PLCB4: variants seen among roughly 807,000 people sequenced by gnomAD.
PLCB4 encodes 1-phosphatidylinositol 4,5-bisphosphate phosphodiesterase beta-4.
In PLCB4, 77 loss-of-function variants were observed where a neutral mutation model predicts 178.8. That is an observed-to-expected ratio of 0.43 (90% CI 0.36 to 0.52). PLCB4 has a LOEUF of 0.52. Among genes scored for constraint, PLCB4 ranks in the 20% least tolerant of loss-of-function variants. PLCB4 has a pLI of 0.00. For synonymous variants in PLCB4, 496 were observed against 490.8 expected (o/e 1.01, Z -0.14); for missense variants, 1,024 against 1,453.4 (o/e 0.70, Z 4.80).
At chr20:9,095,888 C>T (rs2090893260) in intron 1 of PLCB4, among the ~76,000 whole-genome samples, 1 of 151,956 alleles carries the variant, frequency 6.6e-6, no homozygotes, top group Non-Finnish European at 1.5e-5. Context: ...CATTTTCCCA[C>T]TGGAAAAGCA....
intron 12 of PLCB4, among the ~76,000 whole-genome samples, chr20:9,375,572 G>A (rs2036600513): frequency 6.6e-6 from 1 of 152,104 alleles, no homozygotes; most frequent in African/African-American, 2.4e-5. Flanking sequence ...CCACATATCA[G>A]ACAGATGCCT....
At chr20:9,188,284 G>A (rs1011551275) in intron 2 of PLCB4, among the ~76,000 whole-genome samples, 1 of 152,198 alleles carries the variant, frequency 6.6e-6, no homozygotes, top group East Asian at 1.9e-4. Context: ...GAAATAATTA[G>A]CCCTATAGGT....
chr20:9,131,167 G>A (rs1300432927), intron 2 of PLCB4, among the ~76,000 whole-genome samples: 3 of 152,040 alleles, frequency 2.0e-5, no homozygotes, highest in East Asian at 1.9e-4. Context: ...TTTCTGTTTA[G>A]CTAGTAATCT....
chr20:9,171,814 G>T (rs1040739763), intron 2 of PLCB4, among the ~76,000 whole-genome samples: 2 of 152,104 alleles, frequency 1.3e-5, no homozygotes, highest in Admixed American at 1.3e-4. Flanking sequence ...GTGGAGAATT[G>T]TGGGAAATAA....
At chr20:9,210,987 T>G (rs2093666599) in intron 2 of PLCB4, among the ~76,000 whole-genome samples, 1 of 152,228 alleles carries the variant, frequency 6.6e-6, no homozygotes, top group Admixed American at 6.5e-5. Flanking sequence ...AAAATATGAC[T>G]GCATTGGTGA....
chr20:9,382,083 C>A (rs924039373), intron 13 of PLCB4, among the ~76,000 whole-genome samples: 1 of 152,208 alleles, frequency 6.6e-6, no homozygotes, highest in African/African-American at 2.4e-5. Context: ...CTTCCTACCC[C>A]TAGATATGTT....
intron 2 of PLCB4, among the ~76,000 whole-genome samples, chr20:9,138,169 G>A (rs2092421109): frequency 1.3e-5 from 2 of 152,070 alleles, no homozygotes; most frequent in Admixed American, 6.6e-5. Flanking sequence ...ATGAAGGAAG[G>A]TGTGCATTTC....
At chr20:9,151,448 T>C (rs1156589907) in intron 2 of PLCB4, among the ~76,000 whole-genome samples, 2 of 152,054 alleles carry the variant, frequency 1.3e-5, no homozygotes. Context: ...GGGAGGTAAT[T>C]AAATCATGGG....
At chr20:9,096,846 G>T (rs987150752) in intron 2 of PLCB4, among the ~76,000 whole-genome samples, 2 of 152,060 alleles carry the variant, frequency 1.3e-5, no homozygotes, top group Non-Finnish European at 2.9e-5. Flanking sequence ...TGGGTGTACG[G>T]TATCTTTTTG....
intron 3 of PLCB4, among the ~76,000 whole-genome samples, chr20:9,256,529 A>G (rs1026492689): frequency 1.3e-5 from 2 of 152,220 alleles, no homozygotes; most frequent in East Asian, 1.9e-4. Context: ...GGAAGCAAGT[A>G]TTTTTAGTTG....
intron 3 of PLCB4, among the ~76,000 whole-genome samples, chr20:9,269,001 A>T (rs148984522): frequency 6.6e-6 from 1 of 152,300 alleles, no homozygotes; most frequent in Non-Finnish European, 1.5e-5. Context: ...GGGTAAGCAT[A>T]TTGAATTTGC....
chr20:9,437,183 C>T, intron 30 of PLCB4, 31 bp downstream of exon 30: 1 of 1,590,134 alleles, frequency 6.3e-7, no homozygotes, highest in South Asian at 1.1e-5. Flanking sequence ...TCCTTATCTT[C>T]TGCACCCACC....
chr20:9,475,080 T>TC (rs1212207050), intron 38 of PLCB4, among the ~76,000 whole-genome samples: 5 of 152,342 alleles, frequency 3.3e-5, no homozygotes, highest in African/African-American at 1.2e-4. Context: ...TGGGTAGGGA[T>TC]AAGGATGCCT....
intron 2 of PLCB4, among the ~76,000 whole-genome samples, chr20:9,190,821 G>A (rs2093392844): frequency 6.6e-6 from 1 of 152,124 alleles, no homozygotes; most frequent in Non-Finnish European, 1.5e-5. Flanking sequence ...AGGTGGGTAT[G>A]CTCTCCTTTT....
At chr20:9,277,605 A>G (rs1039563885) in intron 3 of PLCB4, among the ~76,000 whole-genome samples, 4 of 152,026 alleles carry the variant, frequency 2.6e-5, no homozygotes, top group Non-Finnish European at 4.4e-5. Flanking sequence ...TGCTGGTTAG[A>G]GTCTTAATAG....
At chr20:9,238,142 G>A (rs532116296) in intron 3 of PLCB4, among the ~76,000 whole-genome samples, 1 of 152,248 alleles carries the variant, frequency 6.6e-6, no homozygotes, top group South Asian at 2.1e-4. Context: ...TGAGCAGCTG[G>A]ATTAGAATGG....
At chr20:9,228,829 T>A (rs573292931) in intron 3 of PLCB4, among the ~76,000 whole-genome samples, 1 of 152,086 alleles carries the variant, frequency 6.6e-6, no homozygotes, top group East Asian at 1.9e-4. Context: ...GCCATCTTCA[T>A]GGGTAGAGAA....
chr20:9,343,462 T>C (rs147150659), intron 7 of PLCB4, among the ~76,000 whole-genome samples: 40 of 152,310 alleles, frequency 2.6e-4, no homozygotes, highest in African/African-American at 7.9e-4. Context: ...TAAAATATTA[T>C]CTGAAACCTG....
At chr20:9,158,637 C>T (rs1267294799) in intron 2 of PLCB4, among the ~76,000 whole-genome samples, 2 of 151,482 alleles carry the variant, frequency 1.3e-5, no homozygotes, top group Non-Finnish European at 2.9e-5. Flanking sequence ...ACACCTCTAT[C>T]TTAAATGGAA....
Sources: gnomAD v4.1 joint callset for allele counts (sites outside exome capture counted in the v4.1 genomes callset) on GRCh38, gnomAD v4.1.1 for gene constraint, MANE v1.5 for transcripts, NCBI Gene and HGNC (gene_info 2026-07-23, HGNC 2026-07-21) for gene names.